TXNRD1: variants seen among roughly 807,000 people sequenced by gnomAD.
TXNRD1 encodes the protein thioredoxin reductase 1, cytoplasmic.
A neutral mutation model predicts 80.3 loss-of-function variants in TXNRD1; 57 were observed. The ratio of observed to expected loss-of-function variants is 0.71; its 90% CI spans 0.57 to 0.89. The LOEUF (loss-of-function observed/expected upper bound fraction) is 0.89. TXNRD1 is among the 40% of genes least tolerant of loss of function. The probability of loss-of-function intolerance (pLI) is 0.00; values close to 1 mark genes in which losing one functional copy is unlikely to be tolerated. For synonymous variants in TXNRD1, 291 were observed against 285.2 expected (o/e 1.02, Z -0.20); for missense variants, 730 against 803.0 (o/e 0.91, Z 1.10).
chr12:104,249,894 C>G, intron 1 of TXNRD1, among the ~76,000 whole-genome samples: 1 of 145,440 alleles, frequency 6.9e-6, no homozygotes, highest in Middle Eastern at 3.7e-3. Flanking sequence ...CGAGATCGTG[C>G]CACTGTACTC....
chr12:104,348,711 A>C lies in TXNRD1; in HGVS notation c.*290A>C. 1 of 375,068 alleles carries C rather than the reference A, an allele frequency of 2.7e-6. No homozygotes were observed. Among genetic ancestry groups the C allele is most frequent in the Non-Finnish European group, 4.8e-6 (1 of 207,738 alleles). 23.2% of individuals were successfully genotyped at this position (375,068 alleles called of 1,614,324 possible). ...CCCATGTGGTAGGCGGTGATGGAAC[A>C]ACTGTCAAATCAGTTTTAGCATGAC... On this transcript the variant is annotated 3_prime_UTR_variant, in exon 17 of 17. Coordinates refer to ENST00000525566, the MANE Select transcript of TXNRD1 (RefSeq NM_001093771.3).
chr12:104,304,885 T>G, intron 4 of TXNRD1: 1 of 1,611,660 alleles, frequency 6.2e-7, no homozygotes, highest in Non-Finnish European at 8.5e-7. Flanking sequence ...GGAAAAACAT[T>G]GTGGCAGCTT....
intron 16 of TXNRD1, among the ~76,000 whole-genome samples, chr12:104,344,168 T>C (rs1337526442): frequency 6.6e-6 from 1 of 152,106 alleles, no homozygotes; most frequent in Non-Finnish European, 1.5e-5. Context: ...ACCTGTAAAG[T>C]GTGTAGGAGA....
At chr12:104,331,194 A>G (rs1437055014) in intron 13 of TXNRD1, among the ~76,000 whole-genome samples, 2 of 152,164 alleles carry the variant, frequency 1.3e-5, no homozygotes, top group African/African-American at 4.8e-5. Context: ...ATCCAAAACT[A>G]TCAGATTTGG....
intron 2 of TXNRD1, among the ~76,000 whole-genome samples, chr12:104,254,644 A>AAAAAAAAAAAAAAAAAAAAT: frequency 1.4e-4 from 13 of 93,630 alleles, no homozygotes; most frequent in Admixed American, 2.6e-4. Context: ...AAAAAAAAAA[A>AAAAAAAAAAAAAAAAAAAAT]ATATATATAT....
intron 3 of TXNRD1, among the ~76,000 whole-genome samples, chr12:104,261,163 C>CT (rs201861244): frequency 4.0e-4 from 56 of 140,254 alleles, no homozygotes; most frequent in South Asian, 6.9e-4. Flanking sequence ...CTCTTTCTTT[C>CT]TTTTTTTTTT....
At position 104,247,380 on chromosome 12, in the gene TXNRD1, A is replaced by T. The variant is rs552512413; in HGVS notation, c.92-4147A>T. Among the ~76,000 whole-genome samples the T allele has an allele frequency of 2.0e-5, 3 of 152,202 alleles. No homozygotes were observed. In the South Asian group the frequency reaches 6.2e-4, roughly 32 times the overall value. On this transcript the variant is annotated intron_variant, in intron 1 of 16. Transcript: ENST00000525566. ...ACCACGCCTGGCCCATTACAGTTTT[A>T]TCTGCATTTTTCTGACTGCCTGGTT...
intron 16 of TXNRD1, 101 bp from the exon 17 acceptor site, chr12:104,348,252 C>T (rs372267652): frequency 3.2e-5 from 31 of 968,604 alleles, no homozygotes; most frequent in East Asian, 1.2e-4. Flanking sequence ...TTTTGGTAGT[C>T]GCCTAAGATG....
chr12:104,247,958 C>CAGTT (rs572112515), intron 1 of TXNRD1, among the ~76,000 whole-genome samples: 204 of 152,194 alleles, frequency 1.3e-3, no homozygotes, highest in Non-Finnish European at 2.5e-3. Context: ...GGAATGAACA[C>CAGTT]AGTTGGCCTA....
chr12:104,329,998 A>G (rs1029485374), intron 13 of TXNRD1, among the ~76,000 whole-genome samples: 4 of 152,172 alleles, frequency 2.6e-5, no homozygotes, highest in Admixed American at 1.3e-4. Flanking sequence ...GTGTTGCTTC[A>G]TCCCTGTCTG....
intron 3 of TXNRD1, among the ~76,000 whole-genome samples, chr12:104,267,828 C>T (rs1472336426): frequency 6.3e-5 from 9 of 141,884 alleles, no homozygotes; most frequent in Admixed American, 4.3e-4. Context: ...CCCTCCCTCC[C>T]TCCTTCCCTC....
At chr12:104,304,979 G>C in intron 4 of TXNRD1, 3 of 1,517,424 alleles carry the variant, frequency 2.0e-6, no homozygotes, top group Non-Finnish European at 1.8e-6. Flanking sequence ...TTTTTCTGAA[G>C]TTAGATGGAG....
At chr12:104,265,338 C>T in intron 3 of TXNRD1, 1 of 1,609,470 alleles carries the variant, frequency 6.2e-7, no homozygotes. Context: ...TACGAGAGTA[C>T]AAGGTAGTGG....
At position 104,339,122 on chromosome 12, in the gene TXNRD1, A is replaced by ATTTTTTTTTTTTTTTT; in HGVS notation, c.1747-8_1747-7insTTTTTTTTTTTTTTTT. Reference sequence around the variant, plus strand: ...AAAATCAGCTTAATTGCATTATTGTATTTTTTTTTGCCTTAGGAACGTGTT... The same window carrying ATTTTTTTTTTTTTTTT: ...AAAATCAGCTTAATTGCATTATTGTATTTTTTTTTTTTTTTTTTTTTTTTTGCCTTAGGAACGTGTT... On this transcript the variant is annotated splice_polypyrimidine_tract_variant and intron_variant, in intron 15 of 16. Transcript: ENST00000525566. The ATTTTTTTTTTTTTTTT allele has an allele frequency of 6.4e-7, 1 of 1,559,584 alleles. No homozygotes were observed. The highest frequency in any genetic ancestry group is 1.4e-5 in the African/African-American group (1 of 73,084).
intron 1 of TXNRD1, among the ~76,000 whole-genome samples, chr12:104,238,062 T>G (rs1442299813): frequency 6.6e-6 from 1 of 151,866 alleles, no homozygotes; most frequent in Non-Finnish European, 1.5e-5. Context: ...AATAAAAAAT[T>G]TTCTAGTTCA....
At chr12:104,335,002 T>A (rs2036085084) in intron 15 of TXNRD1, among the ~76,000 whole-genome samples, 1 of 152,210 alleles carries the variant, frequency 6.6e-6, no homozygotes, top group Non-Finnish European at 1.5e-5. Flanking sequence ...CAGCTGGCAC[T>A]ACTAAGAAAG....
At chr12:104,228,117 A>G (rs1277411875) in intron 1 of TXNRD1, among the ~76,000 whole-genome samples, 1 of 152,138 alleles carries the variant, frequency 6.6e-6, no homozygotes, top group Non-Finnish European at 1.5e-5. Flanking sequence ...AGTCTGACCA[A>G]CATGGAGAAA....
chr12:104,327,857 T>C (rs2035819041), intron 13 of TXNRD1, among the ~76,000 whole-genome samples, 186 bp downstream of exon 13: 1 of 151,306 alleles, frequency 6.6e-6, no homozygotes, highest in Non-Finnish European at 1.5e-5. Context: ...ACATTGTGAC[T>C]TTATTATGAA....
chr12:104,245,504 C>A (rs4246265), intron 1 of TXNRD1, among the ~76,000 whole-genome samples: 4 of 112,140 alleles, frequency 3.6e-5, no homozygotes, highest in South Asian at 3.2e-4. Flanking sequence ...GCAACAAGAG[C>A]GAAACTCCAT....
Sources: allele counts gnomAD v4.1 joint callset (sites outside exome capture counted in the v4.1 genomes callset), GRCh38; gene constraint gnomAD v4.1.1; transcripts MANE v1.5; gene names NCBI Gene and HGNC (gene_info 2026-07-23, HGNC 2026-07-21).